Variants in RALGAPA1 observed in about 807,000 individuals in gnomAD.
RALGAPA1 encodes the protein ral GTPase-activating protein subunit alpha-1.
RALGAPA1 carries 52 observed loss-of-function variants against 269.6 expected under a neutral mutation model. That is an observed-to-expected ratio of 0.19 (90% CI 0.15 to 0.24). The LOEUF (loss-of-function observed/expected upper bound fraction) is 0.24. RALGAPA1 is among the 10% of genes least tolerant of loss of function. The pLI is 1.00. For missense variants in RALGAPA1, 1,917 were observed against 3,013.9 expected (o/e 0.64, Z 8.52); for synonymous variants, 817 against 1,008.3 (o/e 0.81, Z 3.60).
intron 41 of RALGAPA1, among the ~76,000 whole-genome samples, chr14:35,543,927 C>T (rs1160925140): frequency 6.6e-6 from 1 of 152,176 alleles, no homozygotes; most frequent in Non-Finnish European, 1.5e-5. Context: ...CAGGCGTGAG[C>T]CACCATGCCT....
chr14:35,742,846 T>C (rs2071694672), intron 10 of RALGAPA1, among the ~76,000 whole-genome samples: 1 of 151,214 alleles, frequency 6.6e-6, no homozygotes. Context: ...ATGTGAGCTA[T>C]ATGTACACTT....
intron 16 of RALGAPA1, among the ~76,000 whole-genome samples, chr14:35,706,024 G>A (rs1042148279): frequency 2.0e-5 from 3 of 152,100 alleles, no homozygotes; most frequent in Non-Finnish European, 4.4e-5. Context: ...AGAGCTCTTT[G>A]TATATTTTAG....
At chr14:35,718,962 T>C (rs2069117986) in intron 16 of RALGAPA1, among the ~76,000 whole-genome samples, 1 of 151,824 alleles carries the variant, frequency 6.6e-6, no homozygotes, top group African/African-American at 2.4e-5. Context: ...ACCTCAGTCC[T>C]CCAAGTAGCT....
intron 35 of RALGAPA1, among the ~76,000 whole-genome samples, chr14:35,612,698 C>A (rs1438222031): frequency 1.3e-5 from 2 of 151,960 alleles, no homozygotes; most frequent in African/African-American, 4.8e-5. Context: ...GCCACCACGC[C>A]CCGCTAATTT....
At chr14:35,632,961 C>T (rs1346162578) in intron 33 of RALGAPA1, among the ~76,000 whole-genome samples, 3 of 152,166 alleles carry the variant, frequency 2.0e-5, no homozygotes, top group Non-Finnish European at 4.4e-5. Flanking sequence ...AAAGGTTCTG[C>T]ATTTATCTGG....
chr14:35,575,089 C>A (rs1295021157), intron 37 of RALGAPA1, among the ~76,000 whole-genome samples: 2 of 150,498 alleles, frequency 1.3e-5, no homozygotes, highest in Non-Finnish European at 2.9e-5. Context: ...GATCATGCCA[C>A]TGCACTCCAG....
intron 10 of RALGAPA1, among the ~76,000 whole-genome samples, chr14:35,746,907 G>C (rs2072165633): frequency 6.6e-6 from 1 of 151,682 alleles, no homozygotes; most frequent in Admixed American, 6.6e-5. Context: ...GAAAAGGAAT[G>C]GGGGCTGGGG....
intron 28 of RALGAPA1, among the ~76,000 whole-genome samples, chr14:35,657,896 T>C (rs546463029): frequency 2.0e-5 from 3 of 152,260 alleles, no homozygotes; most frequent in Admixed American, 1.3e-4. Context: ...ATGAAAATTA[T>C]ACCTGTCTCA....
chr14:35,556,768 A>C (rs1375689059), intron 39 of RALGAPA1, among the ~76,000 whole-genome samples: 2 of 152,248 alleles, frequency 1.3e-5, no homozygotes, highest in East Asian at 1.9e-4. Flanking sequence ...TTCTTTATCT[A>C]AGTCCCATGG....
At chr14:35,760,296 T>C (rs1038527100) in intron 6 of RALGAPA1, among the ~76,000 whole-genome samples, 1 of 152,190 alleles carries the variant, frequency 6.6e-6, no homozygotes, top group Non-Finnish European at 1.5e-5. Flanking sequence ...GTGACTAGCC[T>C]GTGAGCATGC....
At chr14:35,760,668 G>T (rs548949249) in intron 6 of RALGAPA1, among the ~76,000 whole-genome samples, 161 bp downstream of exon 6, 4 of 152,264 alleles carry the variant, frequency 2.6e-5, no homozygotes, top group Admixed American at 2.0e-4. Context: ...CAGCTTTCTT[G>T]ATCTGCTGAC....
chr14:35,667,187 A>G (rs2140191399), intron 26 of RALGAPA1, among the ~76,000 whole-genome samples: 1 of 152,188 alleles, frequency 6.6e-6, no homozygotes, highest in East Asian at 1.9e-4. Flanking sequence ...GGATCACGAG[A>G]TCAACAGTTC....
intron 29 of RALGAPA1, among the ~76,000 whole-genome samples, chr14:35,655,062 T>G (rs1566931877): frequency 6.6e-6 from 1 of 152,324 alleles, no homozygotes; most frequent in East Asian, 1.9e-4. Flanking sequence ...CTCTCAGGTT[T>G]TTATGTTTTA....
chr14:35,577,808 T>A (rs1247002173), intron 37 of RALGAPA1, among the ~76,000 whole-genome samples: 1 of 152,248 alleles, frequency 6.6e-6, no homozygotes, highest in African/African-American at 2.4e-5. Context: ...CTGTTAAAAG[T>A]ACCTAACAAC....
At chr14:35,739,628 C>T (rs2071364732) in intron 11 of RALGAPA1, among the ~76,000 whole-genome samples, 1 of 152,178 alleles carries the variant, frequency 6.6e-6, no homozygotes. Flanking sequence ...GTGTGAATGG[C>T]AACTACTCTG....
At chr14:35,592,905 G>A (rs1011629326) in intron 37 of RALGAPA1, among the ~76,000 whole-genome samples, 1 of 152,134 alleles carries the variant, frequency 6.6e-6, no homozygotes, top group Non-Finnish European at 1.5e-5. Context: ...TATAACCAAT[G>A]AGGAAAAATC....
At position 35,698,108 on chromosome 14, in the gene RALGAPA1, C is replaced by A. The variant is rs1443771390; in HGVS notation, c.2407+2054G>T. ...TGTTTTAGTGACTGATGTCTCAACACCATCTAAATCTTTAAATTTATCATA... is the reference window on the plus strand; with the variant it reads ...TGTTTTAGTGACTGATGTCTCAACAACATCTAAATCTTTAAATTTATCATA... On this transcript the variant is annotated intron_variant, in intron 17 of 41. Transcript: ENST00000680220. Among the ~76,000 whole-genome samples the A allele has an allele frequency of 2.0e-5, 3 of 152,050 alleles. No homozygotes were observed. The East Asian group carries it at 5.8e-4, about 29-fold the overall frequency.
intron 41 of RALGAPA1, chr14:35,542,351 A>G (rs2054087161): frequency 5.9e-6 from 1 of 168,574 alleles, no homozygotes. Flanking sequence ...CCATAGAAGG[A>G]GGGCTTTATC....
chr14:35,702,593 G>T (rs758075777), intron 16 of RALGAPA1, among the ~76,000 whole-genome samples: 1 of 151,868 alleles, frequency 6.6e-6, no homozygotes, highest in African/African-American at 2.4e-5. Context: ...CAAAAGTTAC[G>T]TTGACTCCAA....
Sources: allele counts gnomAD v4.1 joint callset (sites outside exome capture counted in the v4.1 genomes callset), GRCh38; gene constraint gnomAD v4.1.1; transcripts MANE v1.5; gene names NCBI Gene and HGNC (gene_info 2026-07-23, HGNC 2026-07-21).